COL11A1: variants seen among roughly 807,000 people sequenced by gnomAD.
COL11A1 encodes collagen alpha-1(XI) chain.
COL11A1 carries 74 observed loss-of-function variants against 265.2 expected under a neutral mutation model. That is an observed-to-expected ratio of 0.28 (90% CI 0.23 to 0.34). The LOEUF (loss-of-function observed/expected upper bound fraction) is 0.34. Among genes scored for constraint, COL11A1 ranks in the 10% least tolerant of loss-of-function variants. COL11A1 has a pLI of 1.00. For synonymous variants in COL11A1, 816 were observed against 727.6 expected (o/e 1.12, Z -1.96); for missense variants, 2,165 against 2,263.6 (o/e 0.96, Z 0.88).
At chr1:103,024,612 A>G (rs1159252168) in intron 7 of COL11A1, among the ~76,000 whole-genome samples, 1 of 151,294 alleles carries the variant, frequency 6.6e-6, no homozygotes, top group Non-Finnish European at 1.5e-5. Context: ...CTGAACTAAA[A>G]TGCTGGATGA....
rs144864132 is a variant in COL11A1, at chr1:103,066,151, T to G, written c.651+8467A>C. On this transcript the variant is annotated intron_variant, in intron 4 of 66. Coordinates refer to ENST00000370096, the MANE Select transcript of COL11A1 (RefSeq NM_001854.4). ...TGTATAAGAAATGTTAAAGAAAACT[T>G]TTTAGACTGATGGAAAAGTGTATCC... Among the ~76,000 whole-genome samples, 162 of 152,188 alleles carry G rather than the reference T, an allele frequency of 1.1e-3. 1 individual carries two copies. The highest frequency in any genetic ancestry group is 3.7e-3 in the African/African-American group (155 of 41,560).
chr1:103,104,876 C>T (rs10493985), intron 1 of COL11A1, among the ~76,000 whole-genome samples: 19,866 of 152,074 alleles, frequency 0.13, 2,811 homozygotes, highest in African/African-American at 0.36. Flanking sequence ...TCTCTTTGCA[C>T]TGTTGGACTA....
chr1:103,045,940 A>G (rs971926039), intron 4 of COL11A1, among the ~76,000 whole-genome samples: 2 of 151,990 alleles, frequency 1.3e-5, no homozygotes, highest in Non-Finnish European at 2.9e-5. Context: ...TACAAAGGAC[A>G]TGAACTCATC....
At chr1:103,075,612 T>C (rs1254441244) in intron 3 of COL11A1, among the ~76,000 whole-genome samples, 2 of 152,146 alleles carry the variant, frequency 1.3e-5, no homozygotes. Flanking sequence ...TGGGTTTTAT[T>C]AACAATGTAT....
At chr1:102,917,122 C>T (rs12133116) in intron 49 of COL11A1, among the ~76,000 whole-genome samples, 9,005 of 151,566 alleles carry the variant, frequency 0.059, 330 homozygotes, top group Non-Finnish European at 0.085. Context: ...GCAAAAAGAA[C>T]AAAACTGGAG....
At chr1:102,929,789 C>T (rs1657155105) in intron 46 of COL11A1, among the ~76,000 whole-genome samples, 2 of 152,038 alleles carry the variant, frequency 1.3e-5, no homozygotes, top group South Asian at 4.1e-4. Flanking sequence ...TTGTATTTCT[C>T]CTTGAAGAGG....
intron 4 of COL11A1, among the ~76,000 whole-genome samples, chr1:103,053,120 C>G (rs187723567): frequency 6.6e-6 from 1 of 152,210 alleles, no homozygotes; most frequent in African/African-American, 2.4e-5. Context: ...AATCCAATGA[C>G]GCACTAATCA....
In COL11A1 at chr1:102,877,683, T is replaced by C. The variant is rs759237581; in HGVS notation, c.*336A>G. 3.7e-6 allele frequency: 1 copy of C among 271,142 alleles called. No homozygotes were observed. Among genetic ancestry groups the C allele is most frequent in the Non-Finnish European group, 7.2e-6 (1 of 138,930 alleles). 16.8% of individuals were successfully genotyped at this position (271,142 alleles called of 1,614,324 possible). A position where few individuals can be genotyped will look rare whatever the true frequency, so the allele number is the denominator to read the frequency against. On this transcript the variant is annotated 3_prime_UTR_variant, in exon 67 of 67. Coordinates refer to ENST00000370096, the MANE Select transcript of COL11A1 (RefSeq NM_001854.4). ...ACTGTTTTAGTACATCCTGGATGGA[T>C]GAGAATGAGCACCATATTTTTTATG... is the stretch of plus-strand genomic sequence containing the variant.
intron 57 of COL11A1, among the ~76,000 whole-genome samples, chr1:102,892,531 A>G (rs1651899106): frequency 6.6e-6 from 1 of 152,230 alleles, no homozygotes; most frequent in Non-Finnish European, 1.5e-5. Context: ...AATTGGACAA[A>G]TAGAGCTTCA....
Position 103,008,553 on chromosome 1 carries a change from G to A in COL11A1, c.1630-37C>T, listed in dbSNP as rs184307369. 4.0e-5 allele frequency: 63 copies of A among 1,566,960 alleles called. No homozygotes were observed. The African/African-American group carries it at 8.1e-4, about 20-fold the overall frequency. ...AAGTGAAGATATTTCACTTAATTTA[G>A]CAATTTCCTAACTACTTTTATCCTG... On this transcript the variant is annotated intron_variant, in intron 14 of 66. Coordinates refer to ENST00000370096, the MANE Select transcript of COL11A1 (RefSeq NM_001854.4).
Position 102,944,969 on chromosome 1 carries a change from C to A in COL11A1, c.3276+1880G>T, listed in dbSNP as rs568747248. 4.9e-4 allele frequency among the ~76,000 whole-genome samples: 75 copies of A among 152,138 alleles called. No homozygotes were observed. In the Middle Eastern group the frequency reaches 9.5e-3, roughly 19 times the overall value. ...TCTCAGCATATTAAAAGTGCTTTTT[C>A]TGTCACCTAAAAGTTCTATCCACAG... On this transcript the variant is annotated intron_variant, in intron 42 of 66. Coordinates refer to ENST00000370096, the MANE Select transcript of COL11A1 (RefSeq NM_001854.4).
Position 102,881,709 on chromosome 1 carries a change from C to A in COL11A1, c.5028G>T (p.Lys1676Asn). 3 of 1,612,276 alleles carry A rather than the reference C, an allele frequency of 1.9e-6. No individual in the cohort carries two copies. The highest frequency in any genetic ancestry group is 2.5e-6 in the Non-Finnish European group (3 of 1,178,836). ...EKPGSWFSEF[K>N]RGKLLSYLDV... ...GGTAATAACATACCAGTTTTCCCCT[C>A]TTAAATTCACTAAACCAACTTCCTG... Residue 1676 changes from lysine (K) to asparagine (N), a missense_variant, in exon 65 of 67, where the codon AAG (lysine) becomes AAT (asparagine). By Grantham distance (94) the Lys-to-Asn change is moderately conservative. Coordinates refer to ENST00000370096, the MANE Select transcript of COL11A1 (RefSeq NM_001854.4).
chr1:103,072,298 C>A (rs1286690786), intron 4 of COL11A1, among the ~76,000 whole-genome samples: 3 of 151,846 alleles, frequency 2.0e-5, no homozygotes, highest in Non-Finnish European at 4.4e-5. Flanking sequence ...TAGTACCATT[C>A]TATTAATGTA....
chr1:103,029,514 C>T (rs1292538076), intron 5 of COL11A1, among the ~76,000 whole-genome samples: 1 of 151,778 alleles, frequency 6.6e-6, no homozygotes, highest in African/African-American at 2.4e-5. Flanking sequence ...GAAGGATCAA[C>T]ATAATTTAGA....
chr1:102,987,243 A>G (rs1387509445), intron 30 of COL11A1, among the ~76,000 whole-genome samples: 1 of 117,108 alleles, frequency 8.5e-6, no homozygotes, highest in African/African-American at 2.7e-5. Flanking sequence ...ATATAGACAT[A>G]TACATGTAGG....
At chr1:103,038,937 G>A (rs981688448) in intron 4 of COL11A1, among the ~76,000 whole-genome samples, 1 of 152,134 alleles carries the variant, frequency 6.6e-6, no homozygotes, top group Non-Finnish European at 1.5e-5. Context: ...AAGGAAATAT[G>A]GAGCAAAGTG....
chr1:102,945,247 ACTCTCTCTCTCTCTCTCTCTCT>A (rs3056651), intron 42 of COL11A1, among the ~76,000 whole-genome samples: 1 of 129,174 alleles, frequency 7.7e-6, no homozygotes, highest in Non-Finnish European at 1.6e-5. Context: ...TTTTCTTTTT[ACTCTCTCTCTCTCTCTCTCTCT>A]CTCTCTCTCT....
intron 37 of COL11A1, among the ~76,000 whole-genome samples, chr1:102,968,025 A>G (rs894196429): frequency 6.6e-6 from 1 of 152,206 alleles, no homozygotes; most frequent in Admixed American, 6.5e-5. Flanking sequence ...CATTGCCCAT[A>G]TGTCTGCTCA....
At chr1:102,993,879 T>C (rs1036369704) in intron 28 of COL11A1, among the ~76,000 whole-genome samples, 5 of 152,240 alleles carry the variant, frequency 3.3e-5, no homozygotes, top group African/African-American at 4.8e-5. Context: ...TTTTCTAGTA[T>C]CTTTGATCTA....
Sources: allele counts gnomAD v4.1 joint callset (sites outside exome capture counted in the v4.1 genomes callset), GRCh38; gene constraint gnomAD v4.1.1; transcripts MANE v1.5; gene names NCBI Gene and HGNC (gene_info 2026-07-23, HGNC 2026-07-21).